FGF3: variants seen among roughly 807,000 people sequenced by gnomAD.
FGF3 encodes the protein fibroblast growth factor 3.
In FGF3, 7 loss-of-function variants were observed where a neutral mutation model predicts 9.8. That is an observed-to-expected ratio of 0.72 (90% CI 0.41 to 1.35). The LOEUF (loss-of-function observed/expected upper bound fraction) is 1.35. Among genes scored for constraint, FGF3 ranks in the 40% most tolerant of loss-of-function variants. FGF3 has a pLI of 0.01. For synonymous variants in FGF3, 173 were observed against 157.2 expected (o/e 1.10, Z -0.75); for missense variants, 390 against 345.6 (o/e 1.13, Z -1.02).
Position 69,819,147 on chromosome 11 carries a change from G to C in FGF3, c.-214C>G. 9.9e-6 allele frequency: 4 copies of C among 403,856 alleles called. No homozygotes were observed. The highest frequency in any genetic ancestry group is 8.7e-6 in the Non-Finnish European group (2 of 228,844). The allele number at this position is 403,856 out of a possible 1,614,324, so 25.0% of individuals were successfully genotyped here. On this transcript the variant is annotated 5_prime_UTR_variant, in exon 1 of 3. Coordinates refer to ENST00000334134, the MANE Select transcript of FGF3 (RefSeq NM_005247.4). ...AGTGGGAGAGGGAGAGGGAGAGAGG[G>C]AACGCGAGTCCCTTTAATTTCCACC...
chr11:69,810,285 G>C lies in FGF3; in HGVS notation c.*20C>G. The C allele has an allele frequency of 6.5e-7, 1 of 1,542,718 alleles. No individual in the cohort carries two copies. The highest frequency in any genetic ancestry group is 8.8e-7 in the Non-Finnish European group (1 of 1,138,618). On this transcript the variant is annotated 3_prime_UTR_variant, in exon 3 of 3. Coordinates refer to ENST00000334134, the MANE Select transcript of FGF3 (RefSeq NM_005247.4). Reference sequence around the variant, plus strand: ...CGCCAAGATGTCGCCAGGAGCTCTGGCGGTGGCCACCAGGCCCAGCTAGTG... The same window carrying C: ...CGCCAAGATGTCGCCAGGAGCTCTGCCGGTGGCCACCAGGCCCAGCTAGTG...
Position 69,810,266 on chromosome 11 carries a change from G to C in FGF3, c.*39C>G. 1 of 1,517,002 alleles carries C rather than the reference G, an allele frequency of 6.6e-7. No individual in the cohort carries two copies. Among genetic ancestry groups the C allele is most frequent in the South Asian group, 1.2e-5 (1 of 80,736 alleles). 94.0% of individuals were successfully genotyped at this position (1,517,002 alleles called of 1,614,324 possible). ...CAGAGTCAAGAGGCTGCCACGCCAA[G>C]ATGTCGCCAGGAGCTCTGGCGGTGG... is the stretch of plus-strand genomic sequence containing the variant. On this transcript the variant is annotated 3_prime_UTR_variant, in exon 3 of 3. Coordinates refer to ENST00000334134, the MANE Select transcript of FGF3 (RefSeq NM_005247.4).
chr11:69,817,756 C>T (rs545135825), intron 1 of FGF3, among the ~76,000 whole-genome samples: 1 of 152,128 alleles, frequency 6.6e-6, no homozygotes, highest in Non-Finnish European at 1.5e-5. Context: ...CGCGGAGCAC[C>T]CGAGGACAGC....
chr11:69,815,609 A>AG (rs1226805511), intron 2 of FGF3, among the ~76,000 whole-genome samples: 1 of 152,202 alleles, frequency 6.6e-6, no homozygotes, highest in Non-Finnish European at 1.5e-5. Flanking sequence ...TCATTGCCCA[A>AG]GGAAGTATCA....
Position 69,818,897 on chromosome 11 carries a change from C to A in FGF3, c.37G>T (p.Glu13Ter), listed in dbSNP as rs1554981448. 1 of 1,468,092 alleles carries A rather than the reference C, an allele frequency of 6.8e-7. No individual in the cohort carries two copies. Among genetic ancestry groups the A allele is most frequent in the Non-Finnish European group, 9.0e-7 (1 of 1,115,878 alleles). The allele number at this position is 1,468,092 out of a possible 1,614,324, so 90.9% of individuals were successfully genotyped here. Reference protein sequence around the residue: ...LIWLLLLSLLEPGWPAAGPGA... With the variant: ...LIWLLLLSLL ...GGGCCCGCTGCGGGCCAGCCGGGCT[C>A]CAGCAGGCTGAGCAGTAGCAGCCAG... The change falls in exon 1 of 3, where the codon GAG (glutamate) becomes TAG (stop). Residue 13 changes from glutamate (E) to a stop codon, truncating the protein, a stop_gained. Coordinates refer to ENST00000334134, the MANE Select transcript of FGF3 (RefSeq NM_005247.4). LOFTEE classifies it high-confidence loss of function.
chr11:69,813,860 A>ATGGCTGGT (rs1856080728), intron 2 of FGF3, among the ~76,000 whole-genome samples: 1 of 144,378 alleles, frequency 6.9e-6, no homozygotes, highest in Admixed American at 6.9e-5. Flanking sequence ...GGATGGGTGG[A>ATGGCTGGT]TGGATGGATA....
Position 69,819,014 on chromosome 11 carries a change from G to T in FGF3, c.-81C>A. On this transcript the variant is annotated 5_prime_UTR_variant, in exon 1 of 3. Coordinates refer to ENST00000334134, the MANE Select transcript of FGF3 (RefSeq NM_005247.4). ...TGGAAGGGGCGGCAGCCGGACAGCTGCGAGGTGCTCGGAGCGGGATCCCGC... is the reference window on the plus strand; with the variant it reads ...TGGAAGGGGCGGCAGCCGGACAGCTTCGAGGTGCTCGGAGCGGGATCCCGC... The T allele has an allele frequency of 1.1e-6, 1 of 944,122 alleles. No homozygotes were observed. Among genetic ancestry groups the T allele is most frequent in the Non-Finnish European group, 1.5e-6 (1 of 675,036 alleles). 58.5% of individuals were successfully genotyped at this position (944,122 alleles called of 1,614,324 possible).
intron 2 of FGF3, among the ~76,000 whole-genome samples, chr11:69,815,594 A>G (rs951551484): frequency 3.3e-5 from 5 of 151,700 alleles, no homozygotes. Flanking sequence ...TGGATGGAAA[A>G]CCTCTCATTG....
intron 2 of FGF3, among the ~76,000 whole-genome samples, chr11:69,814,879 C>G (rs1413961769): frequency 6.6e-6 from 1 of 152,232 alleles, no homozygotes; most frequent in Non-Finnish European, 1.5e-5. Flanking sequence ...GGGACCCCCT[C>G]ATGTCATGCT....
chr11:69,813,772 A>ATGGCTGGTTGGCTGGATGGG (rs1565114983), intron 2 of FGF3, among the ~76,000 whole-genome samples: 1 of 97,250 alleles, frequency 1.0e-5, no homozygotes, highest in African/African-American at 3.4e-5. Flanking sequence ...GGATGGGTGG[A>ATGGCTGGTTGGCTGGATGGG]TGGATGGATG....
rs1856198856 is a variant in FGF3, at chr11:69,819,208, C to A, written c.-275G>T. On this transcript the variant is annotated 5_prime_UTR_variant, in exon 1 of 3. Transcript: ENST00000334134. ...GAAATTTCCGTTGCTGCGCAAAGCG[C>A]TGAAAGAAAGGACGGTTCGCCAACA... Among the ~76,000 whole-genome samples the A allele has an allele frequency of 6.6e-6, 1 of 152,028 alleles. No individual in the cohort carries two copies. The highest frequency in any genetic ancestry group is 1.5e-5 in the Non-Finnish European group (1 of 67,986).
At chr11:69,810,739 A>T (rs1416998750) in intron 2 of FGF3, 39 bp from the exon 3 acceptor site, 2 of 1,500,444 alleles carry the variant, frequency 1.3e-6, no homozygotes, top group East Asian at 2.4e-5. Context: ...CCCCGGGGAG[A>T]CTGTGGCAGC....
Position 69,819,070 on chromosome 11 carries a change from A to T in FGF3, c.-137T>A. The T allele has an allele frequency of 4.1e-6, 2 of 485,926 alleles. No individual in the cohort carries two copies. The highest frequency in any genetic ancestry group is 3.5e-6 in the Non-Finnish European group (1 of 287,940). 30.1% of individuals were successfully genotyped at this position (485,926 alleles called of 1,614,324 possible). A position where few individuals can be genotyped will look rare whatever the true frequency, so the allele number is the denominator to read the frequency against. On this transcript the variant is annotated 5_prime_UTR_variant, in exon 1 of 3. Coordinates refer to ENST00000334134, the MANE Select transcript of FGF3 (RefSeq NM_005247.4). ...GAGATGCTGACTCCGGCTTCGCGGGAAAGGTGGGGGAAGAAGGGGGAAGGG... is the reference window on the plus strand; with the variant it reads ...GAGATGCTGACTCCGGCTTCGCGGGTAAGGTGGGGGAAGAAGGGGGAAGGG...
chr11:69,815,535 A>G (rs1554981005), intron 2 of FGF3, among the ~76,000 whole-genome samples: 1 of 152,160 alleles, frequency 6.6e-6, no homozygotes, highest in Non-Finnish European at 1.5e-5. Flanking sequence ...CTGAGCAGAG[A>G]GCTCACTGCA....
In FGF3 at chr11:69,810,494, C is replaced by G; in HGVS notation, c.531G>C (p.Leu177=). ...TGTGGTCCAGCACGCGGGGCAGGAA[C>G]AGGGAGGACTTCTGTGTGCGGCGGG... ...FKTRRTQKSS[L]FLPRVLDHRD... The change falls in exon 3 of 3, where the codon CTG becomes CTC. Residue 177 remains leucine (L), a synonymous_variant. Coordinates refer to ENST00000334134, the MANE Select transcript of FGF3 (RefSeq NM_005247.4). The G allele has an allele frequency of 1.9e-6, 3 of 1,609,808 alleles. No homozygotes were observed. The highest frequency in any genetic ancestry group is 2.5e-6 in the Non-Finnish European group (3 of 1,178,428).
In FGF3 at chr11:69,810,400, G is replaced by GGGGCTGGACCCCCTTACCAGGGGGTCT; in HGVS notation, c.598_624dup (p.Pro201_Arg209dup). 6.4e-7 allele frequency: 1 copy of GGGGCTGGACCCCCTTACCAGGGGGTCT among 1,560,206 alleles called. No homozygotes were observed. Among genetic ancestry groups the GGGGCTGGACCCCCTTACCAGGGGGTCT allele is most frequent in the African/African-American group, 1.4e-5 (1 of 73,704 alleles). ...GGGCTCTGCTTCTGCCGCCGCCGTCGGGGCTGGACCCCCTTACCAGGGGGT... is the reference window on the plus strand; with the variant it reads ...GGGCTCTGCTTCTGCCGCCGCCGTCGGGGCTGGACCCCCTTACCAGGGGGTCTGGGCTGGACCCCCTTACCAGGGGGT... On this transcript the variant is annotated inframe_insertion, in exon 3 of 3. Transcript: ENST00000334134.
Position 69,816,382 on chromosome 11 carries a change from T to A in FGF3, c.262A>T (p.Ile88Phe), listed in dbSNP as rs1450391872. 2.5e-6 allele frequency: 4 copies of A among 1,613,988 alleles called. No homozygotes were observed. The highest frequency in any genetic ancestry group is 2.2e-5 in the South Asian group (2 of 91,086). Residue 88 changes from isoleucine to phenylalanine, a missense_variant, in exon 2 of 3, where the codon ATC becomes TTC. Transcript: ENST00000334134. ...ITAVEVGIVA[I>F]RGLFSGRYLA... ...TACCGCCCGGAGAAGAGACCCCTGA[T>A]GGCCACAATGCCCACCTCCACTGCC...
intron 2 of FGF3, among the ~76,000 whole-genome samples, chr11:69,811,582 G>A (rs891991171): frequency 6.6e-6 from 1 of 152,156 alleles, no homozygotes; most frequent in South Asian, 2.1e-4. Context: ...TAAACGCTGC[G>A]CTCAGGGGCC....
chr11:69,810,962 G>A lies in FGF3; in HGVS notation c.325-262C>T, dbSNP rs2071395. 0.47 allele frequency among the ~76,000 whole-genome samples: 70,742 copies of A among 152,054 alleles called. 16,948 individuals are homozygous for A. The highest frequency in any genetic ancestry group is 0.61 in the East Asian group (3,158 of 5,144). On this transcript the variant is annotated intron_variant, in intron 2 of 2. Transcript: ENST00000334134. ...CTGTGCCAGACAACTCCCAGCTCCT[G>A]CTCTCTGGGTTCCACCAGCCTCTGT...
Sources: gnomAD v4.1 joint callset for allele counts (sites outside exome capture counted in the v4.1 genomes callset) on GRCh38, gnomAD v4.1.1 for gene constraint, MANE v1.5 for transcripts, NCBI Gene and HGNC (gene_info 2026-07-23, HGNC 2026-07-21) for gene names.